PDE7B: variants seen among roughly 807,000 people sequenced by gnomAD.
The protein encoded by PDE7B is 3',5'-cyclic-AMP phosphodiesterase 7B.
A neutral mutation model predicts 56.2 loss-of-function variants in PDE7B; 29 were observed. That is an observed-to-expected ratio of 0.52 (90% CI 0.38 to 0.70). The LOEUF is 0.70. Ranked by LOEUF, PDE7B falls within the 30% of genes least tolerant of loss-of-function variation. The pLI is 0.00. For synonymous variants in PDE7B, 197 were observed against 196.9 expected, an observed-to-expected ratio of 1.00 and a Z score of 0.00; for missense variants, 490 against 565.0, an observed-to-expected ratio of 0.87 and a Z score of 1.35.
At chr6:136,176,361 T>C (rs1183716746) in intron 9 of PDE7B, among the ~76,000 whole-genome samples, 1 of 152,124 alleles carries the variant, frequency 6.6e-6, no homozygotes, top group Non-Finnish European at 1.5e-5. Context: ...AATCCCATTA[T>C]AGATCTTTTC....
intron 2 of PDE7B, among the ~76,000 whole-genome samples, chr6:136,107,676 AATCTGCCAAG>A (rs1777668533): frequency 1.3e-5 from 2 of 152,160 alleles, no homozygotes; most frequent in Admixed American, 1.3e-4. Flanking sequence ...CAGAGAAATA[AATCTGCCAAG>A]ATCACACAAG....
intron 1 of PDE7B, among the ~76,000 whole-genome samples, chr6:135,880,905 A>G (rs1775596217): frequency 6.6e-6 from 1 of 152,140 alleles, no homozygotes; most frequent in African/African-American, 2.4e-5. Flanking sequence ...AGGAAAGAAA[A>G]TTATAAGTTT....
intron 2 of PDE7B, among the ~76,000 whole-genome samples, chr6:135,951,062 G>C (rs1416114623): frequency 1.3e-5 from 2 of 152,168 alleles, no homozygotes; most frequent in African/African-American, 4.8e-5. Context: ...TGACTACACG[G>C]AGTGTTAACT....
At chr6:135,988,034 C>G (rs757470300) in intron 2 of PDE7B, among the ~76,000 whole-genome samples, 1 of 152,040 alleles carries the variant, frequency 6.6e-6, no homozygotes, top group Non-Finnish European at 1.5e-5. Flanking sequence ...AATTTTGTGT[C>G]CAGTCTGAGC....
At chr6:136,035,371 C>T (rs999044476) in intron 2 of PDE7B, 3 of 152,194 alleles carry the variant, frequency 2.0e-5, no homozygotes, top group Admixed American at 6.5e-5. Context: ...AGATAATTCA[C>T]ATGGTAGAGA....
chr6:136,020,259 G>T (rs1347351969), intron 2 of PDE7B, among the ~76,000 whole-genome samples: 1 of 152,074 alleles, frequency 6.6e-6, no homozygotes, highest in Non-Finnish European at 1.5e-5. Context: ...TCACTAGAGA[G>T]CCCCATTCTG....
intron 2 of PDE7B, among the ~76,000 whole-genome samples, chr6:136,079,873 G>C (rs1026875622): frequency 2.0e-5 from 3 of 152,076 alleles, no homozygotes; most frequent in African/African-American, 7.2e-5. Flanking sequence ...CTGAGAATGA[G>C]TGTGAGAGTT....
intron 1 of PDE7B, among the ~76,000 whole-genome samples, chr6:135,910,364 A>G (rs895881781): frequency 6.6e-6 from 1 of 152,182 alleles, no homozygotes; most frequent in African/African-American, 2.4e-5. Context: ...AGTAACACCG[A>G]GGTTATACAA....
Position 136,127,290 on chromosome 6 carries a change from C to G in PDE7B, c.166+18476C>G, listed in dbSNP as rs936644867. On this transcript the variant is annotated intron_variant, in intron 3 of 12. Transcript: ENST00000308191. ...TCATTTGACAGCCAAGAATGCCCCCCCAACATTTCCCCAATGCCTCCTAGG... is the reference window on the plus strand; with the variant it reads ...TCATTTGACAGCCAAGAATGCCCCCGCAACATTTCCCCAATGCCTCCTAGG... Among the ~76,000 whole-genome samples the G allele has an allele frequency of 1.1e-4, 17 of 152,222 alleles. No individual in the cohort carries two copies. In the South Asian group the frequency reaches 1.9e-3, roughly 17 times the overall value.
At chr6:135,882,852 G>C (rs113755922) in intron 1 of PDE7B, among the ~76,000 whole-genome samples, 2,471 of 152,188 alleles carry the variant, frequency 0.016, 34 homozygotes, top group South Asian at 0.042. Context: ...TCACTAGATG[G>C]CCGGTAGTTT....
At chr6:135,947,629 A>T in intron 2 of PDE7B, 105 bp downstream of exon 2, 7 of 797,806 alleles carry the variant, frequency 8.8e-6, no homozygotes, top group Non-Finnish European at 1.5e-5. Context: ...GAAGAGGCTG[A>T]TAGGTTCTTT....
chr6:135,924,022 A>C (rs1181032817), intron 1 of PDE7B, among the ~76,000 whole-genome samples: 1 of 152,218 alleles, frequency 6.6e-6, no homozygotes, highest in Non-Finnish European at 1.5e-5. Flanking sequence ...TTGCTTATCA[A>C]GTTGACAAAT....
At chr6:135,877,549 G>A (rs1775521801) in intron 1 of PDE7B, among the ~76,000 whole-genome samples, 1 of 151,854 alleles carries the variant, frequency 6.6e-6, no homozygotes, top group African/African-American at 2.4e-5. Flanking sequence ...GGGCAGCCCA[G>A]GGTCATGCTA....
chr6:135,928,483 T>TTATATATA (rs1187835633), intron 1 of PDE7B, among the ~76,000 whole-genome samples: 5,193 of 95,318 alleles, frequency 0.054, 246 homozygotes, highest in Non-Finnish European at 0.066. Context: ...ATATATATAT[T>TTATATATA]TATTTATATA....
intron 2 of PDE7B, among the ~76,000 whole-genome samples, chr6:136,005,474 C>T (rs1354237412): frequency 1.3e-5 from 2 of 152,264 alleles, no homozygotes; most frequent in East Asian, 1.9e-4. Flanking sequence ...GGGCTAATAT[C>T]CAGAATCTAC....
At chr6:136,171,834 G>C (rs1489391007) in intron 8 of PDE7B, among the ~76,000 whole-genome samples, 1 of 132,976 alleles carries the variant, frequency 7.5e-6, no homozygotes, top group Non-Finnish European at 1.5e-5. Flanking sequence ...TCCCCTTCCT[G>C]TGTCCATGTG....
rs66718715 is a variant in PDE7B, at chr6:136,048,089, T to TAGAC, written c.83-60622_83-60619dup. The stretch of plus-strand genomic sequence containing the variant: ...ATGGATGGGTGGATGGATAGATAGA[T>TAGAC]AGACAGACAGACAGACAGACAGATA... On this transcript the variant is annotated intron_variant, in intron 2 of 12. Transcript: ENST00000308191. Among the ~76,000 whole-genome samples, 1,426 of 149,558 alleles carry TAGAC rather than the reference T, an allele frequency of 9.5e-3. 9 individuals carry two copies. Among genetic ancestry groups the TAGAC allele is most frequent in the African/African-American group, 0.017 (702 of 41,100 alleles).
intron 2 of PDE7B, among the ~76,000 whole-genome samples, chr6:136,076,281 T>C (rs1053800580): frequency 1.3e-5 from 2 of 152,254 alleles, no homozygotes; most frequent in South Asian, 2.1e-4. Flanking sequence ...GAGACCAGCC[T>C]GGCCAACTTG....
intron 5 of PDE7B, among the ~76,000 whole-genome samples, 198 bp downstream of exon 5, chr6:136,149,348 G>A (rs940078984): frequency 1.3e-5 from 2 of 152,174 alleles, no homozygotes; most frequent in Non-Finnish European, 2.9e-5. Flanking sequence ...TTTGACCTTA[G>A]AATCTTAGGA....
Sources: allele counts gnomAD v4.1 joint callset (sites outside exome capture counted in the v4.1 genomes callset), GRCh38; gene constraint gnomAD v4.1.1; transcripts MANE v1.5; gene names NCBI Gene and HGNC (gene_info 2026-07-23, HGNC 2026-07-21).